ADGRL3: variants seen among roughly 807,000 people sequenced by gnomAD.
The protein encoded by ADGRL3 is calcium-independent alpha-latrotoxin receptor 3.
A neutral mutation model predicts 153.5 loss-of-function variants in ADGRL3; 62 were observed. The ratio of observed to expected loss-of-function variants is 0.40; its 90% CI spans 0.33 to 0.50. The LOEUF is 0.50. ADGRL3 is among the 20% of genes least tolerant of loss of function. ADGRL3 has a pLI of 0.47. For missense variants in ADGRL3, 1,641 were observed against 1,859.4 expected (o/e 0.88, Z 2.16); for synonymous variants, 710 against 672.5 (o/e 1.06, Z -0.86).
At chr4:61,474,234 T>A (rs539206547) in intron 2 of ADGRL3, among the ~76,000 whole-genome samples, 1 of 152,270 alleles carries the variant, frequency 6.6e-6, no homozygotes, top group East Asian at 1.9e-4. Context: ...GTCTTGGCAT[T>A]TACATGCAAG....
chr4:61,386,395 C>A (rs891500231), intron 2 of ADGRL3, among the ~76,000 whole-genome samples: 2 of 151,980 alleles, frequency 1.3e-5, no homozygotes, highest in African/African-American at 4.8e-5. Context: ...TTAAACTTGT[C>A]CTAAGAATAT....
At chr4:61,340,333 C>T (rs2095782161) in intron 1 of ADGRL3, among the ~76,000 whole-genome samples, 1 of 152,072 alleles carries the variant, frequency 6.6e-6, no homozygotes, top group African/African-American at 2.4e-5. Context: ...TCTTTGCTTC[C>T]ACATCTTCCA....
intron 8 of ADGRL3, among the ~76,000 whole-genome samples, chr4:61,749,032 A>T (rs2152028842): frequency 6.6e-6 from 1 of 151,862 alleles, no homozygotes; most frequent in East Asian, 1.9e-4. Context: ...AAACAACCCC[A>T]TCAAAAAGTG....
At chr4:61,661,671 G>T (rs1259968304) in intron 5 of ADGRL3, among the ~76,000 whole-genome samples, 1 of 152,060 alleles carries the variant, frequency 6.6e-6, no homozygotes, top group African/African-American at 2.4e-5. Context: ...TGAAGTTCAA[G>T]ACATAAAGTA....
chr4:61,518,844 C>T (rs2098513566), intron 4 of ADGRL3, among the ~76,000 whole-genome samples: 1 of 152,116 alleles, frequency 6.6e-6, no homozygotes, highest in Admixed American at 6.5e-5. Context: ...TTAAGAACTT[C>T]CTATTTTTCC....
chr4:61,595,101 G>T (rs1278489993), intron 5 of ADGRL3, among the ~76,000 whole-genome samples: 1 of 152,166 alleles, frequency 6.6e-6, no homozygotes, highest in African/African-American at 2.4e-5. Flanking sequence ...GTCCAGAAAT[G>T]CTGTCTAAGA....
intron 1 of ADGRL3, among the ~76,000 whole-genome samples, chr4:61,382,511 A>G (rs2096682546): frequency 6.6e-6 from 1 of 151,750 alleles, no homozygotes; most frequent in South Asian, 2.1e-4. Flanking sequence ...AAATTATGGT[A>G]ATTTAAAGAA....
At chr4:61,448,808 G>A (rs71609701) in intron 2 of ADGRL3, among the ~76,000 whole-genome samples, 60,121 of 96,942 alleles carry the variant, frequency 0.62, 20,280 homozygotes, top group East Asian at 0.9. Flanking sequence ...GGGAGGAAGG[G>A]AGGGAAGGAA....
intron 1 of ADGRL3, among the ~76,000 whole-genome samples, chr4:61,379,609 T>C (rs2096644340): frequency 6.6e-6 from 1 of 152,048 alleles, no homozygotes; most frequent in Admixed American, 6.6e-5. Context: ...AACATGTTTG[T>C]TCATGTCACT....
chr4:61,991,449 T>G (rs9995838), intron 19 of ADGRL3, among the ~76,000 whole-genome samples: 27,082 of 152,010 alleles, frequency 0.18, 2,854 homozygotes, highest in East Asian at 0.43. Flanking sequence ...CATCATAGAA[T>G]GTAGGATGCA....
intron 2 of ADGRL3, chr4:61,426,611 G>T (rs2097285489): frequency 6.6e-6 from 1 of 152,222 alleles, no homozygotes; most frequent in Non-Finnish European, 1.5e-5. Flanking sequence ...CCAACACTGG[G>T]GAGAGTGGAT....
chr4:61,772,545 A>G (rs2097098777), intron 8 of ADGRL3, among the ~76,000 whole-genome samples: 1 of 152,222 alleles, frequency 6.6e-6, no homozygotes, highest in African/African-American at 2.4e-5. Flanking sequence ...CAAAATGGTT[A>G]AACCTGAGTA....
chr4:62,003,573 A>G (rs962534556), intron 21 of ADGRL3, among the ~76,000 whole-genome samples: 1 of 152,140 alleles, frequency 6.6e-6, no homozygotes, highest in African/African-American at 2.4e-5. Context: ...ATGAAATCAC[A>G]TATGTAAAGA....
intron 13 of ADGRL3, among the ~76,000 whole-genome samples, chr4:61,927,639 A>G (rs1160427250): frequency 1.3e-5 from 2 of 152,132 alleles, no homozygotes; most frequent in African/African-American, 4.8e-5. Context: ...CAGTCACTCA[A>G]CTTGACTTGT....
chr4:61,423,197 G>A (rs1210707662), intron 2 of ADGRL3, among the ~76,000 whole-genome samples: 1 of 152,320 alleles, frequency 6.6e-6, no homozygotes, highest in Non-Finnish European at 1.5e-5. Context: ...ACAGCAAGAT[G>A]AGAAGATTCC....
chr4:61,501,773 A>C (rs1406222113), intron 3 of ADGRL3, among the ~76,000 whole-genome samples: 1 of 152,208 alleles, frequency 6.6e-6, no homozygotes, highest in Non-Finnish European at 1.5e-5. Context: ...CACTTGCTCT[A>C]AATAGTCTGG....
intron 5 of ADGRL3, among the ~76,000 whole-genome samples, chr4:61,596,569 T>C (rs562113292): frequency 8.5e-5 from 13 of 152,356 alleles, no homozygotes; most frequent in African/African-American, 2.2e-4. Context: ...ATACTGTATC[T>C]GTCTACCAAT....
chr4:61,245,757 C>T (rs1222228262), intron 1 of ADGRL3, among the ~76,000 whole-genome samples: 6 of 152,060 alleles, frequency 3.9e-5, no homozygotes, highest in Non-Finnish European at 2.9e-5. Context: ...AATTATCATA[C>T]TTTATTTTAA....
At chr4:61,803,725 G>A (rs185514289) in intron 8 of ADGRL3, among the ~76,000 whole-genome samples, 2 of 152,014 alleles carry the variant, frequency 1.3e-5, no homozygotes, top group Non-Finnish European at 1.5e-5. Context: ...AAATAATATG[G>A]CATAACTATG....
Sources: gnomAD v4.1 joint callset for allele counts (sites outside exome capture counted in the v4.1 genomes callset) on GRCh38, gnomAD v4.1.1 for gene constraint, MANE v1.5 for transcripts, NCBI Gene and HGNC (gene_info 2026-07-23, HGNC 2026-07-21) for gene names.